Variants in BAD observed in about 807,000 individuals in gnomAD.
The protein encoded by BAD is bcl2-associated agonist of cell death.
Under a neutral mutation model 17.8 loss-of-function variants are expected in BAD, and 18 were observed. The ratio of observed to expected loss-of-function variants is 1.01; its 90% CI spans 0.70 to 1.50. The LOEUF (loss-of-function observed/expected upper bound fraction) is 1.50. BAD is among the 40% of genes most tolerant of loss of function. The probability of loss-of-function intolerance (pLI) is 0.00; values close to 1 mark genes in which losing one functional copy is unlikely to be tolerated. For missense variants in BAD, 294 were observed against 239.3 expected, an observed-to-expected ratio of 1.23 and a Z score of -1.51; for synonymous variants, 112 against 91.5, an observed-to-expected ratio of 1.22 and a Z score of -1.28.
chr11:64,274,306 G>A (rs2032880040), intron 2 of BAD, among the ~76,000 whole-genome samples: 1 of 152,132 alleles, frequency 6.6e-6, no homozygotes, highest in South Asian at 2.1e-4. Flanking sequence ...ACAATGGCGT[G>A]AACCCGGGAG....
intron 2 of BAD, among the ~76,000 whole-genome samples, chr11:64,280,630 C>T (rs2033405264): frequency 5.3e-5 from 8 of 150,250 alleles, no homozygotes; most frequent in Middle Eastern, 7.1e-3. Context: ...GGATTACAGG[C>T]GTGAGCCACC....
chr11:64,270,014 A>C lies in BAD; in HGVS notation c.*195T>G. ...CACTTCCGGCGGCTGTGGGCGGAAA[A>C]CCCAAAACTTCCGATGGGACCAAGC... is the stretch of plus-strand genomic sequence containing the variant. On this transcript the variant is annotated 3_prime_UTR_variant, in exon 4 of 4. Coordinates refer to ENST00000309032, the MANE Select transcript of BAD (RefSeq NM_032989.3). 9.0e-7 allele frequency: 1 copy of C among 1,111,546 alleles called. No individual in the cohort carries two copies. The highest frequency in any genetic ancestry group is 1.3e-6 in the Non-Finnish European group (1 of 772,324). The allele number at this position is 1,111,546 out of a possible 1,614,324, so 68.9% of individuals were successfully genotyped here. A position where few individuals can be genotyped will look rare whatever the true frequency, so the allele number is the denominator to read the frequency against.
chr11:64,269,964 G>T lies in BAD; in HGVS notation c.*245C>A, dbSNP rs1411275755. 7 of 754,780 alleles carry T rather than the reference G, an allele frequency of 9.3e-6. No homozygotes were observed. The South Asian group carries it at 1.0e-4, about 11-fold the overall frequency. 46.8% of individuals were successfully genotyped at this position (754,780 alleles called of 1,614,324 possible). On this transcript the variant is annotated 3_prime_UTR_variant, in exon 4 of 4. Coordinates refer to ENST00000309032, the MANE Select transcript of BAD (RefSeq NM_032989.3). ...GCGCAGGCGCCTGGGGGAAAGCCCG[G>T]AGCCTGAGGGCGGGGCCACGGAGCC...
At chr11:64,277,479 C>T (rs1362602413) in intron 2 of BAD, among the ~76,000 whole-genome samples, 2 of 152,152 alleles carry the variant, frequency 1.3e-5, no homozygotes, top group Non-Finnish European at 2.9e-5. Flanking sequence ...TCTCTGTCAC[C>T]CAGACTGGAG....
At chr11:64,271,559 G>A in intron 3 of BAD, 54 bp downstream of exon 3, 2 of 1,362,996 alleles carry the variant, frequency 1.5e-6, no homozygotes, top group Non-Finnish European at 1.9e-6. Context: ...GGGACAGACC[G>A]GCGGGGGGCG....
At chr11:64,284,571 C>G in intron 1 of BAD, 60 bp downstream of exon 1, 2 of 1,493,942 alleles carry the variant, frequency 1.3e-6, no homozygotes, top group Non-Finnish European at 1.8e-6. Context: ...TCAGTCTCCC[C>G]TCAGAACCCC....
rs777335964 is a variant in BAD, at chr11:64,284,276, G to A, written c.93C>T (p.Pro31=). ...GLGPSPAGDG[P]SGSGKHHRQA... ...GGCGATGATGCTTGCCGGAGCCTGA[G>A]GGCCCGTCCCCTGCGGGGCTGGGGC... Residue 31 remains proline (P), a synonymous_variant, in exon 2 of 4, where the codon CCC becomes CCT. Coordinates refer to ENST00000309032, the MANE Select transcript of BAD (RefSeq NM_032989.3). 1 of 1,611,584 alleles carries A rather than the reference G, an allele frequency of 6.2e-7. No individual in the cohort carries two copies. The highest frequency in any genetic ancestry group is 1.1e-5 in the South Asian group (1 of 91,088).
chr11:64,277,300 CGCCTCCG>C (rs2033141650), intron 2 of BAD, among the ~76,000 whole-genome samples: 2 of 152,334 alleles, frequency 1.3e-5, no homozygotes, highest in South Asian at 4.1e-4. Context: ...GCAGCCTGTC[CGCCTCCG>C]GCACCTGTAG....
At chr11:64,272,116 C>G (rs754984748) in intron 2 of BAD, among the ~76,000 whole-genome samples, 1 of 152,148 alleles carries the variant, frequency 6.6e-6, no homozygotes, top group African/African-American at 2.4e-5. Context: ...GTCAGGAGAT[C>G]GAGACCATCC....
chr11:64,271,764 T>A lies in BAD; in HGVS notation c.227A>T (p.Tyr76Phe). Residue 76 changes from tyrosine to phenylalanine, a missense_variant, in exon 3 of 4, where the codon TAC (tyrosine) becomes TTC (phenylalanine). Tyr to Phe is a conservative substitution (Grantham distance 22). Coordinates refer to ENST00000309032, the MANE Select transcript of BAD (RefSeq NM_032989.3). ...TTCGTCGTCCTCCGTCCCCGCGGGGTAGGAGCTGTGGCGACTCCGGATCTC... is the reference window on the plus strand; with the variant it reads ...TTCGTCGTCCTCCGTCCCCGCGGGGAAGGAGCTGTGGCGACTCCGGATCTC... ...AVEIRSRHSS[Y>F]PAGTEDDEGM... 7.2e-7 allele frequency: 1 copy of A among 1,397,460 alleles called. No individual in the cohort carries two copies. Among genetic ancestry groups the A allele is most frequent in the Non-Finnish European group, 9.3e-7 (1 of 1,073,716 alleles). 86.6% of individuals were successfully genotyped at this position (1,397,460 alleles called of 1,614,324 possible). A position where few individuals can be genotyped will look rare whatever the true frequency, so the allele number is the denominator to read the frequency against.
Position 64,284,575 on chromosome 11 carries a change from G to C in BAD, c.-9+56C>G, listed in dbSNP as rs371971125. ...GGCTCAGGACCTCAGTCTCCCCTCA[G>C]AACCCCGGTGGACCCAGGCCCCGCC... On this transcript the variant is annotated intron_variant, in intron 1 of 3. Coordinates refer to ENST00000309032, the MANE Select transcript of BAD (RefSeq NM_032989.3). 4.4e-5 allele frequency: 65 copies of C among 1,494,100 alleles called. No individual in the cohort carries two copies. In the East Asian group the frequency reaches 1.4e-3, roughly 33 times the overall value. The allele number at this position is 1,494,100 out of a possible 1,614,324, so 92.6% of individuals were successfully genotyped here.
At chr11:64,277,097 C>T in intron 2 of BAD, 1 of 670,782 alleles carries the variant, frequency 1.5e-6, no homozygotes, top group South Asian at 1.6e-5. Context: ...CACTTGCACA[C>T]TGAATTGCAC....
intron 2 of BAD, chr11:64,276,946 G>A (rs566098716): frequency 1.8e-5 from 14 of 756,864 alleles, no homozygotes; most frequent in Admixed American, 1.3e-4. Context: ...CTGAGTCAGC[G>A]GCTGGGGCGG....
chr11:64,271,854 G>T lies in BAD; in HGVS notation c.188-51C>A, dbSNP rs766896428. 2.4e-4 allele frequency: 319 copies of T among 1,309,012 alleles called. 1 individual carries two copies. Among genetic ancestry groups the T allele is most frequent in the Middle Eastern group, 1.6e-3 (7 of 4,416 alleles). 81.1% of individuals were successfully genotyped at this position (1,309,012 alleles called of 1,614,324 possible). A position where few individuals can be genotyped will look rare whatever the true frequency, so the allele number is the denominator to read the frequency against. On this transcript the variant is annotated intron_variant, in intron 2 of 3. Coordinates refer to ENST00000309032, the MANE Select transcript of BAD (RefSeq NM_032989.3). ...GCGACGTTAATCTCAGCTCCTCTAA[G>T]CCCCTGGCCCTGCCTGAACCCTCCC...
intron 2 of BAD, among the ~76,000 whole-genome samples, chr11:64,280,501 A>G (rs1285970297): frequency 1.6e-4 from 23 of 146,404 alleles, no homozygotes; most frequent in South Asian, 4.4e-4. Flanking sequence ...ATAGGCACCC[A>G]CCACCACGCC....
chr11:64,271,446 T>A (rs1010538023), intron 3 of BAD, among the ~76,000 whole-genome samples, 167 bp downstream of exon 3: 1 of 148,526 alleles, frequency 6.7e-6, no homozygotes, highest in Non-Finnish European at 1.5e-5. Context: ...CGGGGAAGTC[T>A]TGTGACTACA....
At chr11:64,277,227 G>A (rs1026789181) in intron 2 of BAD, among the ~76,000 whole-genome samples, 1 of 152,180 alleles carries the variant, frequency 6.6e-6, no homozygotes, top group African/African-American at 2.4e-5. Context: ...TGCTGCCGGG[G>A]GAGGCTGACG....
intron 2 of BAD, chr11:64,276,970 T>C (rs1383801600): frequency 1.3e-6 from 1 of 743,418 alleles, no homozygotes; most frequent in Non-Finnish European, 2.5e-6. Context: ...TCCCTGCTGA[T>C]GCTTCCGCGA....
At position 64,269,890 on chromosome 11, in the gene BAD, G is replaced by A. The variant is rs1234048938; in HGVS notation, c.*319C>T. 1.6e-5 allele frequency: 11 copies of A among 698,738 alleles called. No individual in the cohort carries two copies. The highest frequency in any genetic ancestry group is 2.6e-5 in the Non-Finnish European group (10 of 384,508). 43.3% of individuals were successfully genotyped at this position (698,738 alleles called of 1,614,324 possible). A position where few individuals can be genotyped will look rare whatever the true frequency, so the allele number is the denominator to read the frequency against. On this transcript the variant is annotated 3_prime_UTR_variant, in exon 4 of 4. Coordinates refer to ENST00000309032, the MANE Select transcript of BAD (RefSeq NM_032989.3). ...GTGAGCACGGCCCCCAGGGCATCGCGGGGGCTCGGGTCCCGGTGACGCAAC... is the reference window on the plus strand; with the variant it reads ...GTGAGCACGGCCCCCAGGGCATCGCAGGGGCTCGGGTCCCGGTGACGCAAC...
Sources: allele counts gnomAD v4.1 joint callset (sites outside exome capture counted in the v4.1 genomes callset), GRCh38; gene constraint gnomAD v4.1.1; transcripts MANE v1.5; gene names NCBI Gene and HGNC (gene_info 2026-07-23, HGNC 2026-07-21).